Variants in PARD3 observed in about 807,000 individuals in gnomAD.
The protein encoded by PARD3 is par-3 family cell polarity regulator.
In PARD3, 75 loss-of-function variants were observed where a neutral mutation model predicts 155.4. The ratio of observed to expected loss-of-function variants is 0.48; its 90% CI spans 0.40 to 0.58. The LOEUF is 0.58. Ranked by LOEUF, PARD3 falls within the 20% of genes least tolerant of loss-of-function variation. PARD3 has a pLI of 0.00. For synonymous variants in PARD3, 576 were observed against 610.5 expected (o/e 0.94, Z 0.83); for missense variants, 1,642 against 1,721.7 (o/e 0.95, Z 0.82).
chr10:34,798,887 G>C (rs1330696045), intron 1 of PARD3, among the ~76,000 whole-genome samples: 1 of 151,986 alleles, frequency 6.6e-6, no homozygotes, highest in Non-Finnish European at 1.5e-5. Flanking sequence ...GGTTGGCCTG[G>C]GCCAGGAGTC....
intron 15 of PARD3, among the ~76,000 whole-genome samples, chr10:34,347,567 G>A (rs1257761292): frequency 6.6e-6 from 1 of 152,154 alleles, no homozygotes; most frequent in Non-Finnish European, 1.5e-5. Flanking sequence ...TCCCCCTCCA[G>A]GCAGTGCCAC....
At chr10:34,610,574 G>A (rs1213913276) in intron 2 of PARD3, among the ~76,000 whole-genome samples, 1 of 152,292 alleles carries the variant, frequency 6.6e-6, no homozygotes, top group East Asian at 1.9e-4. Flanking sequence ...GAATCAGTGT[G>A]AGGAAAATTC....
intron 1 of PARD3, among the ~76,000 whole-genome samples, chr10:34,729,140 C>T (rs151131270): frequency 6.6e-6 from 1 of 152,174 alleles, no homozygotes; most frequent in South Asian, 2.1e-4. Context: ...AATGAAACTG[C>T]CTAACAACTC....
intron 5 of PARD3, among the ~76,000 whole-genome samples, chr10:34,425,813 G>A (rs1017868249): frequency 2.6e-5 from 4 of 152,218 alleles, no homozygotes; most frequent in African/African-American, 7.2e-5. Context: ...AAAGCCTAAA[G>A]TCAATACTAT....
chr10:34,543,941 G>C (rs2083842599), intron 2 of PARD3, among the ~76,000 whole-genome samples: 1 of 152,098 alleles, frequency 6.6e-6, no homozygotes, highest in South Asian at 2.1e-4. Flanking sequence ...CTCCTGTCTG[G>C]CACTCATCAA....
intron 2 of PARD3, among the ~76,000 whole-genome samples, chr10:34,542,977 T>C (rs1455656862): frequency 1.3e-5 from 2 of 152,220 alleles, no homozygotes; most frequent in Non-Finnish European, 2.9e-5. Context: ...GCTCAAGAGT[T>C]AGATGTTAGG....
intron 2 of PARD3, among the ~76,000 whole-genome samples, chr10:34,648,083 C>T (rs1379504239): frequency 6.6e-6 from 1 of 152,148 alleles, no homozygotes; most frequent in African/African-American, 2.4e-5. Flanking sequence ...TACTTCATCC[C>T]GGGATCGCCA....
At chr10:34,382,506 A>T in intron 9 of PARD3, 34 bp downstream of exon 9, 1 of 1,583,894 alleles carries the variant, frequency 6.3e-7, no homozygotes, top group East Asian at 2.2e-5. Context: ...CTAAGAAAAG[A>T]AATTCCACAA....
At chr10:34,522,691 C>G (rs1389859378) in intron 2 of PARD3, among the ~76,000 whole-genome samples, 1 of 152,180 alleles carries the variant, frequency 6.6e-6, no homozygotes, top group Non-Finnish European at 1.5e-5. Context: ...CTAGAAAATG[C>G]ATGTTCAACA....
chr10:34,148,870 T>TG (rs1010758812), intron 22 of PARD3, among the ~76,000 whole-genome samples: 34 of 152,058 alleles, frequency 2.2e-4, no homozygotes, highest in African/African-American at 6.5e-4. Context: ...TCAAGTTTTT[T>TG]TTTGTTTGTT....
intron 14 of PARD3, among the ~76,000 whole-genome samples, chr10:34,355,965 A>AAC (rs1838828996): frequency 1.3e-5 from 2 of 150,564 alleles, no homozygotes; most frequent in Non-Finnish European, 2.9e-5. Context: ...AACCAAACAA[A>AAC]AAAACAGACA....
chr10:34,434,140 A>G (rs764075696), intron 5 of PARD3, among the ~76,000 whole-genome samples: 1 of 152,110 alleles, frequency 6.6e-6, no homozygotes, highest in Admixed American at 6.5e-5. Flanking sequence ...GAAAAAGGGA[A>G]GAGTTGGCCA....
rs77977803 is a variant in PARD3 at position 34,454,308 on chromosome 10, C to G, written c.583-3860G>C. ...ATCTGTATTTATGATGGAAAGATAT[C>G]CATAAACATCGCAGCATACAATGTA... On this transcript the variant is annotated intron_variant, in intron 4 of 24. Coordinates refer to ENST00000374788, the MANE Select transcript of PARD3 (RefSeq NM_001184785.2). Among the ~76,000 whole-genome samples the G allele has an allele frequency of 2.4e-4, 36 of 152,012 alleles. No individual in the cohort carries two copies. The East Asian group carries it at 6.4e-3, about 27-fold the overall frequency.
intron 21 of PARD3, among the ~76,000 whole-genome samples, chr10:34,281,386 A>C (rs931451265): frequency 6.6e-6 from 1 of 152,130 alleles, no homozygotes; most frequent in African/African-American, 2.4e-5. Flanking sequence ...CATGTCGGAA[A>C]ACCTGTTAAC....
chr10:34,192,828 T>C lies in PARD3; in HGVS notation c.3420-61245A>G, dbSNP rs924039890. Among the ~76,000 whole-genome samples, 9 of 152,272 alleles carry C rather than the reference T, an allele frequency of 5.9e-5. No homozygotes were observed. In the East Asian group the frequency reaches 1.4e-3, roughly 23 times the overall value. ...ATCCAAGTACCACGTGCCATTTCTA[T>C]GAATGGGATAGAAATAGTGATCCAC... is the stretch of plus-strand genomic sequence containing the variant. On this transcript the variant is annotated intron_variant, in intron 22 of 24. Coordinates refer to ENST00000374788, the MANE Select transcript of PARD3 (RefSeq NM_001184785.2).
intron 1 of PARD3, among the ~76,000 whole-genome samples, chr10:34,776,763 T>C (rs1839579592): frequency 7.0e-6 from 1 of 143,214 alleles, no homozygotes; most frequent in South Asian, 2.2e-4. Flanking sequence ...ATTCCACCAT[T>C]GGTGGAAAAA....
intron 24 of PARD3, among the ~76,000 whole-genome samples, chr10:34,112,212 G>T (rs1011096249): frequency 2.6e-5 from 4 of 152,184 alleles, no homozygotes; most frequent in African/African-American, 9.7e-5. Flanking sequence ...GGAGAGTCCG[G>T]AAGTCTGTAA....
chr10:34,630,522 C>T (rs1257708032), intron 2 of PARD3, among the ~76,000 whole-genome samples: 2 of 151,198 alleles, frequency 1.3e-5, no homozygotes, highest in Non-Finnish European at 2.9e-5. Flanking sequence ...AATCTCAGCT[C>T]ACTGCAACCT....
At chr10:34,567,742 A>G (rs2086072717) in intron 2 of PARD3, among the ~76,000 whole-genome samples, 1 of 152,234 alleles carries the variant, frequency 6.6e-6, no homozygotes, top group Admixed American at 6.5e-5. Flanking sequence ...TAAGATAAAA[A>G]TAGGAAGATC....
Sources: allele counts gnomAD v4.1 joint callset (sites outside exome capture counted in the v4.1 genomes callset), GRCh38; gene constraint gnomAD v4.1.1; transcripts MANE v1.5; gene names NCBI Gene and HGNC (gene_info 2026-07-23, HGNC 2026-07-21).